GRIN2A: variants seen among roughly 807,000 people sequenced by gnomAD.
GRIN2A encodes the protein glutamate ionotropic receptor NMDA type subunit 2A, also known as glutamate receptor ionotropic, NMDA 2A.
Under a neutral mutation model 113.4 loss-of-function variants are expected in GRIN2A, and 22 were observed. The observed-to-expected ratio is 0.19, with a 90% confidence interval of 0.14 to 0.28. The LOEUF (loss-of-function observed/expected upper bound fraction) is 0.28, where lower values mean the gene tolerates loss of function less well. GRIN2A is among the 10% of genes least tolerant of loss of function. The pLI is 1.00. For synonymous variants in GRIN2A, 827 were observed against 738.4 expected (o/e 1.12, Z -1.94); for missense variants, 1,502 against 1,887.0 (o/e 0.80, Z 3.78).
intron 2 of GRIN2A, among the ~76,000 whole-genome samples, chr16:9,966,437 C>A (rs1875203): frequency 0.31 from 46,472 of 152,046 alleles, 7,640 homozygotes; most frequent in African/African-American, 0.37. Flanking sequence ...TGTCCCTGCA[C>A]AGGACATGAT....
intron 2 of GRIN2A, among the ~76,000 whole-genome samples, chr16:10,094,673 C>T (rs1178784884): frequency 2.6e-5 from 4 of 152,018 alleles, no homozygotes; most frequent in Non-Finnish European, 5.9e-5. Flanking sequence ...TGGTCTCAAA[C>T]TCCTTACCTC....
At chr16:10,033,438 T>G (rs1171889793) in intron 2 of GRIN2A, among the ~76,000 whole-genome samples, 1 of 152,052 alleles carries the variant, frequency 6.6e-6, no homozygotes, top group African/African-American at 2.4e-5. Context: ...TTGGCAATTG[T>G]GATACAAGCT....
intron 2 of GRIN2A, among the ~76,000 whole-genome samples, chr16:10,166,472 G>A (rs955356709): frequency 6.6e-6 from 1 of 152,086 alleles, no homozygotes; most frequent in Non-Finnish European, 1.5e-5. Flanking sequence ...AACCTGTAGG[G>A]GCAGGCACCC....
At chr16:10,125,706 C>G (rs557320269) in intron 2 of GRIN2A, among the ~76,000 whole-genome samples, 2 of 151,572 alleles carry the variant, frequency 1.3e-5, no homozygotes, top group African/African-American at 2.4e-5. Flanking sequence ...CTACAGGAGG[C>G]TGGATGGCCC....
intron 2 of GRIN2A, among the ~76,000 whole-genome samples, chr16:10,043,912 TACACGTATAAATATGTGTGTATATATAC>T (rs2047209763): frequency 6.6e-6 from 1 of 151,360 alleles, no homozygotes; most frequent in African/African-American, 2.4e-5. Flanking sequence ...CACATATATA[TACACGTATAAATATGTGTGTATATATAC>T]ACACATATAT....
intron 2 of GRIN2A, chr16:10,121,711 G>A (rs756220457): frequency 3.3e-5 from 5 of 152,176 alleles, no homozygotes; most frequent in East Asian, 1.9e-4. Context: ...TCATTGCACA[G>A]GAACGTGGGG....
At chr16:9,907,228 G>T (rs560802010) in intron 3 of GRIN2A, among the ~76,000 whole-genome samples, 31 of 152,278 alleles carry the variant, frequency 2.0e-4, no homozygotes, top group African/African-American at 6.7e-4. Flanking sequence ...GTGACCATAG[G>T]TTAAATACCT....
At chr16:9,937,725 G>T in intron 3 of GRIN2A, 1 of 555,180 alleles carries the variant, frequency 1.8e-6, no homozygotes, top group Non-Finnish European at 3.2e-6. Context: ...AGGTTTCCAA[G>T]ATATATTGTT....
At chr16:10,042,115 C>A (rs1057408860) in intron 2 of GRIN2A, among the ~76,000 whole-genome samples, 2 of 152,138 alleles carry the variant, frequency 1.3e-5, no homozygotes, top group Non-Finnish European at 2.9e-5. Context: ...CACCCCCTGA[C>A]CACCAGATAA....
At chr16:9,966,656 G>A (rs1034622430) in intron 2 of GRIN2A, among the ~76,000 whole-genome samples, 1 of 152,124 alleles carries the variant, frequency 6.6e-6, no homozygotes, top group Non-Finnish European at 1.5e-5. Context: ...GGATTGCTGG[G>A]TTGAATATTT....
intron 4 of GRIN2A, among the ~76,000 whole-genome samples, chr16:9,889,676 AG>A (rs2043654213): frequency 1.3e-5 from 2 of 152,112 alleles, no homozygotes; most frequent in Admixed American, 6.5e-5. Context: ...TTCTGACTAA[AG>A]TATTTTCTAA....
chr16:9,890,946 T>C (rs757491103), intron 4 of GRIN2A, 40 bp downstream of exon 4: 1 of 1,272,446 alleles, frequency 7.9e-7, no homozygotes, highest in East Asian at 2.3e-5. Flanking sequence ...GCCCATGCTT[T>C]CTTCCCTCCC....
intron 2 of GRIN2A, among the ~76,000 whole-genome samples, chr16:10,117,145 T>A (rs2048743166): frequency 6.6e-6 from 1 of 152,112 alleles, no homozygotes; most frequent in Non-Finnish European, 1.5e-5. Context: ...TTCGTGTTCC[T>A]CCTTCTTGCT....
At chr16:9,816,410 G>T (rs1338362492) in intron 10 of GRIN2A, among the ~76,000 whole-genome samples, 2 of 152,146 alleles carry the variant, frequency 1.3e-5, no homozygotes, top group Non-Finnish European at 2.9e-5. Context: ...GGGGACTGGG[G>T]ATCCTGAGAG....
At chr16:10,029,479 G>A (rs575190785) in intron 2 of GRIN2A, among the ~76,000 whole-genome samples, 9 of 152,210 alleles carry the variant, frequency 5.9e-5, no homozygotes, top group African/African-American at 2.2e-4. Context: ...GAGGCGTAAA[G>A]GCTGCAGTCA....
chr16:9,776,643 G>A (rs1901622093), intron 11 of GRIN2A, among the ~76,000 whole-genome samples: 1 of 152,018 alleles, frequency 6.6e-6, no homozygotes, highest in Non-Finnish European at 1.5e-5. Flanking sequence ...TTCCTACAGG[G>A]AACAGACTTC....
chr16:9,763,435 G>T lies in GRIN2A; in HGVS notation c.4109C>A (p.Ser1370Tyr), dbSNP rs762981158. 1 of 1,613,942 alleles carries T rather than the reference G, an allele frequency of 6.2e-7. No individual in the cohort carries two copies. Among genetic ancestry groups the T allele is most frequent in the African/African-American group, 1.3e-5 (1 of 74,922 alleles). ...AACCAAGCGTTGGTCATCCCTGTGG[G>T]AGTGGAGGAAAGGGTTATCGGAGGT... ...DHTSDNPFLHSHRDDQRLVIG... is the reference protein window; with the variant it reads ...DHTSDNPFLHYHRDDQRLVIG... The change falls in exon 13 of 13, where the codon TCC becomes TAC. Residue 1370 changes from serine (S) to tyrosine (Y), a missense_variant. Physicochemically the swap from Ser to Tyr is moderately radical, Grantham distance 144. This residue lies in a region of GRIN2A where 832 missense variants were observed against 789.7 expected (regional missense o/e 1.05). Transcript: ENST00000330684.
chr16:10,130,164 C>T (rs2049031949), intron 2 of GRIN2A, among the ~76,000 whole-genome samples: 3 of 152,190 alleles, frequency 2.0e-5, no homozygotes, highest in African/African-American at 7.2e-5. Flanking sequence ...TTCAAGGTTA[C>T]ATGGCTGGGA....
At chr16:10,131,428 T>C (rs1468765547) in intron 2 of GRIN2A, among the ~76,000 whole-genome samples, 1 of 151,044 alleles carries the variant, frequency 6.6e-6, no homozygotes, top group African/African-American at 2.4e-5. Context: ...CCTCCTAGCA[T>C]GGCCAAGGCC....
Sources: gnomAD v4.1 joint callset for allele counts (sites outside exome capture counted in the v4.1 genomes callset) on GRCh38, gnomAD v4.1.1 for gene constraint, gnomAD v4.1.1 regional missense constraint, MANE v1.5 for transcripts, NCBI Gene and HGNC (gene_info 2026-07-23, HGNC 2026-07-21) for gene names.